Variants in VPS13D observed in about 807,000 individuals in gnomAD.
VPS13D encodes the protein vacuolar protein sorting 13 homolog D, also known as intermembrane lipid transfer protein VPS13D.
VPS13D carries 187 observed loss-of-function variants against 461.9 expected under a neutral mutation model. That is an observed-to-expected ratio of 0.40 (90% confidence interval 0.36 to 0.46). The LOEUF (loss-of-function observed/expected upper bound fraction) is 0.46, where lower values mean the gene tolerates loss of function less well. Among genes scored for constraint, VPS13D ranks in the 20% least tolerant of loss-of-function variants. The probability of loss-of-function intolerance (pLI) is 0.60; values close to 1 mark genes in which losing one functional copy is unlikely to be tolerated. For synonymous variants in VPS13D, 1,951 were observed against 1,986.3 expected (o/e 0.98, Z 0.47); for missense variants, 4,711 against 5,364.9 (o/e 0.88, Z 3.81).
chr1:12,240,017 T>C (rs1640293379), intron 2 of VPS13D, among the ~76,000 whole-genome samples: 1 of 152,034 alleles, frequency 6.6e-6, no homozygotes, highest in African/African-American at 2.4e-5. Flanking sequence ...AGTGGGTGCA[T>C]ATTTGAGTGG....
intron 67 of VPS13D, among the ~76,000 whole-genome samples, chr1:12,481,984 T>G (rs1017539987): frequency 2.6e-5 from 4 of 152,210 alleles, no homozygotes; most frequent in African/African-American, 9.6e-5. Flanking sequence ...AGCCAGCCCT[T>G]CCTGTTCCTC....
chr1:12,321,263 T>C (rs556120716), intron 32 of VPS13D, among the ~76,000 whole-genome samples: 2 of 152,200 alleles, frequency 1.3e-5, no homozygotes, highest in Non-Finnish European at 2.9e-5. Flanking sequence ...TTTTTAATTA[T>C]GAAGATATTG....
intron 60 of VPS13D, among the ~76,000 whole-genome samples, chr1:12,387,772 G>T (rs1307190176): frequency 1.3e-5 from 2 of 152,128 alleles, no homozygotes; most frequent in Admixed American, 6.5e-5. Flanking sequence ...CTATACCAAG[G>T]CACATCATAA....
chr1:12,341,738 A>C, intron 40 of VPS13D, 42 bp from the exon 41 acceptor site: 1 of 1,589,226 alleles, frequency 6.3e-7, no homozygotes, highest in Non-Finnish European at 8.6e-7. Flanking sequence ...TCTGCCATGC[A>C]GATAGGGGCG....
intron 67 of VPS13D, among the ~76,000 whole-genome samples, chr1:12,494,656 T>A (rs1408816992): frequency 6.6e-6 from 1 of 152,232 alleles, no homozygotes; most frequent in Non-Finnish European, 1.5e-5. Context: ...CTTTGAGTAC[T>A]AATGAAAATC....
Position 12,276,336 on chromosome 1 carries a change from G to T in VPS13D, c.2748G>T (p.Lys916Asn), listed in dbSNP as rs766542694. ...MKTSDTQIKE[K>N]IFPQEEQRGS... is the part of the protein sequence containing the mutation. ...CTTCTGACACTCAGATTAAAGAAAA[G>T]ATTTTTCCCCAGGAGGAGCAGCGGG... is the stretch of plus-strand genomic sequence containing the variant. Residue 916 changes from lysine to asparagine, a missense_variant, in exon 19 of 70, where the codon AAG (lysine) becomes AAT (asparagine). By Grantham distance (94) the Lys-to-Asn change is moderately conservative. Around this residue, in one of 3 missense-constraint regions of VPS13D, gnomAD observed 4,411 missense variants for 4,937.8 expected, o/e 0.89. Coordinates refer to ENST00000620676, the MANE Select transcript of VPS13D (RefSeq NM_015378.4). This position sits in a 1 kb window ranked among gnomAD's most constrained non-coding sequence, Gnocchi z 4.5. 19 of 1,614,026 alleles carry T rather than the reference G, an allele frequency of 1.2e-5. No individual in the cohort carries two copies. The Middle Eastern group carries it at 9.9e-4, about 84-fold the overall frequency.
intron 60 of VPS13D, among the ~76,000 whole-genome samples, chr1:12,389,377 G>A (rs991248319): frequency 3.3e-5 from 5 of 152,118 alleles, no homozygotes; most frequent in African/African-American, 9.7e-5. Flanking sequence ...TTTGTCAACT[G>A]CCGAGATTAT....
At chr1:12,246,855 A>G (rs1640566721) in intron 5 of VPS13D, among the ~76,000 whole-genome samples, 1 of 152,188 alleles carries the variant, frequency 6.6e-6, no homozygotes, top group South Asian at 2.1e-4. Flanking sequence ...CTCAGGACAT[A>G]CGACATTTTG....
intron 55 of VPS13D, among the ~76,000 whole-genome samples, chr1:12,375,150 A>T (rs1177137380): frequency 6.6e-6 from 1 of 152,176 alleles, no homozygotes; most frequent in Non-Finnish European, 1.5e-5. Flanking sequence ...CTGACACAGC[A>T]AGTTATCCTG....
At chr1:12,480,063 G>A (rs930226978) in intron 67 of VPS13D, among the ~76,000 whole-genome samples, 2 of 152,176 alleles carry the variant, frequency 1.3e-5, no homozygotes, top group African/African-American at 4.8e-5. Flanking sequence ...TAGAGAAGCA[G>A]GTCACTAAGC....
At chr1:12,388,372 C>T (rs548260981) in intron 60 of VPS13D, among the ~76,000 whole-genome samples, 29 of 152,142 alleles carry the variant, frequency 1.9e-4, no homozygotes, top group African/African-American at 5.5e-4. Context: ...GTCAGGAGTT[C>T]GGGACCAGCC....
chr1:12,256,603 G>T, intron 8 of VPS13D, 100 bp downstream of exon 8: 1 of 1,345,510 alleles, frequency 7.4e-7, no homozygotes, highest in African/African-American at 1.5e-5. Context: ...GAAAGTTCAT[G>T]TGAGACCATT....
intron 13 of VPS13D, 55 bp downstream of exon 13, chr1:12,262,135 C>G: frequency 6.5e-7 from 1 of 1,536,552 alleles, no homozygotes; most frequent in South Asian, 1.2e-5. Flanking sequence ...GGGCCAATGT[C>G]CAGGCGATTC....
chr1:12,322,464 A>G, intron 33 of VPS13D, 72 bp from the exon 34 acceptor site: 9 of 1,436,992 alleles, frequency 6.3e-6, no homozygotes, highest in Non-Finnish European at 8.7e-6. Context: ...AATAGGAATT[A>G]CATCTGTAAG....
At chr1:12,373,095 G>GT (rs571503565) in intron 54 of VPS13D, among the ~76,000 whole-genome samples, 2,104 of 37,058 alleles carry the variant, frequency 0.057, 221 homozygotes, top group African/African-American at 0.076. Context: ...GTCTGGCTTG[G>GT]TTTTTTTTTT....
At chr1:12,434,935 A>G (rs1570165496) in intron 65 of VPS13D, among the ~76,000 whole-genome samples, 1 of 152,270 alleles carries the variant, frequency 6.6e-6, no homozygotes, top group Non-Finnish European at 1.5e-5. Context: ...TTTCCTTGGC[A>G]TTTGTCTCAC....
In VPS13D at chr1:12,378,484, T is replaced by C. The variant is rs1350040088; in HGVS notation, c.10974T>C (p.His3658=). The part of the protein sequence containing the change: ...WRMTGTGMLA[H]EGSSVPHNPN... ...TGACAGGAACAGGAATGCTGGCCCATGAGGGCTCCTCAGTTCCTCACAATC... is the reference window on the plus strand; with the variant it reads ...TGACAGGAACAGGAATGCTGGCCCACGAGGGCTCCTCAGTTCCTCACAATC... Residue 3658 remains histidine (H), a synonymous_variant, in exon 56 of 70, where the codon CAT becomes CAC. Transcript: ENST00000620676. 2 of 1,612,710 alleles carry C rather than the reference T, an allele frequency of 1.2e-6. No homozygotes were observed. The highest frequency in any genetic ancestry group is 1.3e-5 in the African/African-American group (1 of 74,946).
chr1:12,363,009 T>C, intron 51 of VPS13D, 63 bp from the exon 52 acceptor site: 1 of 1,594,962 alleles, frequency 6.3e-7, no homozygotes, highest in Non-Finnish European at 8.6e-7. Flanking sequence ...GAGTAGGTAC[T>C]CAGTAACACT....
intron 54 of VPS13D, among the ~76,000 whole-genome samples, chr1:12,369,905 A>C (rs1352452578): frequency 6.6e-6 from 1 of 152,232 alleles, no homozygotes; most frequent in Admixed American, 6.5e-5. Context: ...TTATCCAAAG[A>C]GTCAAGACCC....
Sources: allele counts gnomAD v4.1 joint callset (sites outside exome capture counted in the v4.1 genomes callset), GRCh38; gene constraint gnomAD v4.1.1; regional missense constraint gnomAD v4.1.1; non-coding constraint Gnocchi (gnomAD v3.1); transcripts MANE v1.5; gene names NCBI Gene and HGNC (gene_info 2026-07-23, HGNC 2026-07-21).